Variants in USH2A observed in about 807,000 individuals in gnomAD.
USH2A encodes the protein usherin.
Under a neutral mutation model 538.9 loss-of-function variants are expected in USH2A, and 443 were observed. The observed-to-expected ratio is 0.82, with a 90% CI of 0.76 to 0.89. The LOEUF (loss-of-function observed/expected upper bound fraction) is 0.89. Ranked by LOEUF, USH2A falls within the 40% of genes least tolerant of loss-of-function variation. USH2A has a pLI of 0.00. For synonymous variants in USH2A, 2,413 were observed against 2,273.5 expected (o/e 1.06, Z -1.75); for missense variants, 6,633 against 6,324.8 (o/e 1.05, Z -1.65).
At chr1:215,810,047 T>C (rs959526915) in intron 49 of USH2A, among the ~76,000 whole-genome samples, 19 of 152,182 alleles carry the variant, frequency 1.2e-4, no homozygotes, top group African/African-American at 4.1e-4. Context: ...CAAAACACTC[T>C]TTGATTATTT....
chr1:216,003,768 A>C (rs1250122477), intron 32 of USH2A, among the ~76,000 whole-genome samples: 1 of 152,160 alleles, frequency 6.6e-6, no homozygotes, highest in East Asian at 1.9e-4. Context: ...GGTTCTACTT[A>C]GGAAGACACT....
Position 216,233,784 on chromosome 1 carries a change from T to A in USH2A, c.2810-1648A>T, listed in dbSNP as rs114837292. Among the ~76,000 whole-genome samples the A allele has an allele frequency of 2.0e-5, 3 of 152,268 alleles. No homozygotes were observed. The East Asian group carries it at 5.8e-4, about 29-fold the overall frequency. On this transcript the variant is annotated intron_variant, in intron 13 of 71. Coordinates refer to ENST00000307340, the MANE Select transcript of USH2A (RefSeq NM_206933.4). ...CCCAGGAGATGGAAGTTAACTGTTA[T>A]AGAATTAGAAAGTTATCAGGCAGTT...
intron 38 of USH2A, among the ~76,000 whole-genome samples, chr1:215,934,171 C>T (rs1025815800): frequency 2.0e-5 from 3 of 151,860 alleles, no homozygotes; most frequent in East Asian, 3.9e-4. Flanking sequence ...GCCCTTTTTG[C>T]CAAATGAAGT....
In USH2A at chr1:215,838,110, A is replaced by G. The variant is rs761016411; in HGVS notation, c.9259-7T>C. ...ATATTGTGCAGACTTCAACCTGCAA[A>G]CATTAGTTTAGAAAAAATAAATGCA... is the stretch of plus-strand genomic sequence containing the variant. On this transcript the variant is annotated splice_polypyrimidine_tract_variant and splice_region_variant and intron_variant, in intron 46 of 71. Transcript: ENST00000307340. The G allele has an allele frequency of 2.5e-6, 4 of 1,609,346 alleles. No individual in the cohort carries two copies. Among genetic ancestry groups the G allele is most frequent in the Non-Finnish European group, 3.4e-6 (4 of 1,175,678 alleles).
chr1:215,993,227 T>C (rs964686294), intron 34 of USH2A, 60 bp from the exon 35 acceptor site: 27 of 1,612,996 alleles, frequency 1.7e-5, no homozygotes, highest in Non-Finnish European at 1.9e-5. Context: ...TCATGAACAT[T>C]GAGGAAAGAG....
intron 44 of USH2A, among the ~76,000 whole-genome samples, chr1:215,846,549 A>T (rs769841169): frequency 2.6e-5 from 4 of 152,094 alleles, no homozygotes; most frequent in Non-Finnish European, 5.9e-5. Flanking sequence ...TTTTTTCCCA[A>T]TCTCATAATT....
intron 16 of USH2A, 42 bp from the exon 17 acceptor site, chr1:216,200,163 A>G (rs768635592): frequency 6.3e-7 from 1 of 1,583,458 alleles, no homozygotes; most frequent in Admixed American, 1.7e-5. Flanking sequence ...TACATTTCAC[A>G]AGTTGGTGAA....
chr1:215,807,138 T>C (rs935441632), intron 49 of USH2A, among the ~76,000 whole-genome samples: 3 of 152,088 alleles, frequency 2.0e-5, no homozygotes, highest in Admixed American at 1.3e-4. Context: ...ATTGCTGGCC[T>C]GGAAAATGGA....
At chr1:216,044,090 T>A (rs1037253142) in intron 32 of USH2A, among the ~76,000 whole-genome samples, 3 of 152,064 alleles carry the variant, frequency 2.0e-5, no homozygotes, top group Admixed American at 6.6e-5. Flanking sequence ...AAAAAACAAA[T>A]ATAGTTGTGT....
chr1:215,764,074 C>G (rs1661060705), intron 56 of USH2A, among the ~76,000 whole-genome samples: 1 of 151,896 alleles, frequency 6.6e-6, no homozygotes, highest in South Asian at 2.1e-4. Context: ...TGAAAAACAC[C>G]TAAATATAAA....
rs901730528 is a variant in USH2A at position 216,422,511 on chromosome 1, A to G, written c.-175T>C. 1 of 846,320 alleles carries G rather than the reference A, an allele frequency of 1.2e-6. No individual in the cohort carries two copies. The highest frequency in any genetic ancestry group is 1.8e-6 in the Non-Finnish European group (1 of 555,986). 52.4% of individuals were successfully genotyped at this position (846,320 alleles called of 1,614,324 possible). ...AGGTAATACCAACGACGTTCTTAGC[A>G]ATGGCGAAGACATGAGTAGCTGCTG... On this transcript the variant is annotated 5_prime_UTR_variant, in exon 2 of 72. Coordinates refer to ENST00000307340, the MANE Select transcript of USH2A (RefSeq NM_206933.4).
At chr1:216,258,368 C>T (rs2036298990) in intron 11 of USH2A, among the ~76,000 whole-genome samples, 1 of 152,050 alleles carries the variant, frequency 6.6e-6, no homozygotes, top group Non-Finnish European at 1.5e-5. Flanking sequence ...TAGGCACATA[C>T]CCAGCATTAC....
intron 37 of USH2A, 151 bp from the exon 38 acceptor site, chr1:215,934,946 T>G (rs1289166901): frequency 7.1e-6 from 5 of 699,748 alleles, no homozygotes; most frequent in Non-Finnish European, 1.1e-5. Context: ...CTTCTATCAA[T>G]GCACATATTT....
chr1:215,950,885 C>T (rs896616150), intron 37 of USH2A, among the ~76,000 whole-genome samples: 7 of 152,152 alleles, frequency 4.6e-5, no homozygotes, highest in Admixed American at 1.3e-4. Flanking sequence ...CTAAATGTAA[C>T]TAATATTCAA....
intron 11 of USH2A, among the ~76,000 whole-genome samples, chr1:216,271,409 G>A (rs538254523): frequency 1.1e-4 from 17 of 152,140 alleles, no homozygotes; most frequent in Admixed American, 9.8e-4. Flanking sequence ...GTATGTGGGG[G>A]ACTTGATGCT....
intron 3 of USH2A, among the ~76,000 whole-genome samples, chr1:216,392,664 TA>T (rs575174180): frequency 2.6e-5 from 4 of 152,008 alleles, no homozygotes; most frequent in Non-Finnish European, 4.4e-5. Context: ...GCTGTTTTTT[TA>T]AAAAAAAGTG....
intron 37 of USH2A, among the ~76,000 whole-genome samples, chr1:215,957,911 G>A (rs1057455973): frequency 2.0e-5 from 3 of 152,022 alleles, no homozygotes; most frequent in Admixed American, 6.6e-5. Context: ...CCCCACTGGC[G>A]GGTTTTCCCA....
At chr1:216,374,115 A>C (rs1290499293) in intron 3 of USH2A, among the ~76,000 whole-genome samples, 1 of 58,918 alleles carries the variant, frequency 1.7e-5, no homozygotes, top group Non-Finnish European at 3.1e-5. Flanking sequence ...GGGTGGGGGG[A>C]GGGGGGAGGG....
intron 9 of USH2A, among the ~76,000 whole-genome samples, chr1:216,293,909 C>G (rs910249397): frequency 6.6e-6 from 1 of 152,162 alleles, no homozygotes; most frequent in Non-Finnish European, 1.5e-5. Flanking sequence ...TATGTAATTA[C>G]TCACAGTAAT....
Sources: gnomAD v4.1 joint callset for allele counts (sites outside exome capture counted in the v4.1 genomes callset) on GRCh38, gnomAD v4.1.1 for gene constraint, MANE v1.5 for transcripts, NCBI Gene and HGNC (gene_info 2026-07-23, HGNC 2026-07-21) for gene names.